PHLDB1: variants seen among roughly 807,000 people sequenced by gnomAD.
PHLDB1 encodes pleckstrin homology like domain family B member 1.
PHLDB1 carries 65 observed loss-of-function variants against 139.3 expected under a neutral mutation model. The observed-to-expected ratio is 0.47, with a 90% CI of 0.38 to 0.57. The LOEUF (loss-of-function observed/expected upper bound fraction) is 0.57, where lower values mean the gene tolerates loss of function less well. PHLDB1 is among the 20% of genes least tolerant of loss of function. The pLI is 0.00. For synonymous variants in PHLDB1, 679 were observed against 734.5 expected (o/e 0.92, Z 1.22); for missense variants, 1,624 against 1,839.7 (o/e 0.88, Z 2.14).
At chr11:118,651,291 AC>A (rs1303729850) in intron 20 of PHLDB1, 1 of 152,224 alleles carries the variant, frequency 6.6e-6, no homozygotes, top group African/African-American at 2.4e-5. Flanking sequence ...AGAGATTGAG[AC>A]CAGCCTGGGC....
chr11:118,620,604 G>A lies in PHLDB1; in HGVS notation c.356-4330G>A, dbSNP rs1432836162. On this transcript the variant is annotated intron_variant, in intron 4 of 22. Coordinates refer to ENST00000600882, the MANE Select transcript of PHLDB1 (RefSeq NM_001144758.3). The surrounding 1 kb of genome is among the most constrained non-coding windows in gnomAD (Gnocchi z 4.1). ...GTAGGATGGGTACCTTATTGGGGTC[G>A]GAGGGCTCTTTGCTGGGTCTAGCAC... 5.9e-5 allele frequency among the ~76,000 whole-genome samples: 9 copies of A among 152,224 alleles called. No individual in the cohort carries two copies. Among genetic ancestry groups the A allele is most frequent in the East Asian group, 1.9e-4 (1 of 5,202 alleles).
Position 118,650,838 on chromosome 11 carries a change from A to G in PHLDB1, c.3874+291A>G. ...TGGCCACAGCGCTCTCATGGAGCTTATAATCAGGGAAGCAGACAAGAGTGA... is the reference window on the plus strand; with the variant it reads ...TGGCCACAGCGCTCTCATGGAGCTTGTAATCAGGGAAGCAGACAAGAGTGA... On this transcript the variant is annotated intron_variant, in intron 20 of 22. Transcript: ENST00000600882. This position sits in a 1 kb window ranked among gnomAD's most constrained non-coding sequence, Gnocchi z 4.7. 2.2e-6 allele frequency: 1 copy of G among 449,986 alleles called. No individual in the cohort carries two copies. Among genetic ancestry groups the G allele is most frequent in the South Asian group, 2.6e-5 (1 of 38,446 alleles). The allele number at this position is 449,986 out of a possible 1,614,324, so 27.9% of individuals were successfully genotyped here. A position where few individuals can be genotyped will look rare whatever the true frequency, so the allele number is the denominator to read the frequency against.
chr11:118,654,407 G>T (rs1219177323), intron 20 of PHLDB1: 2 of 151,916 alleles, frequency 1.3e-5, no homozygotes, highest in Non-Finnish European at 2.9e-5. Context: ...TAAAAAATAG[G>T]TAAAAGTATT....
chr11:118,623,910 G>C (rs979267506), intron 4 of PHLDB1, among the ~76,000 whole-genome samples: 18 of 151,574 alleles, frequency 1.2e-4, no homozygotes, highest in Admixed American at 1.1e-3. Context: ...GTGTGTGTGT[G>C]TGTGTGTGAG....
chr11:118,650,007 C>A lies in PHLDB1; in HGVS notation c.3655-70C>A. ...AGGCTGTTGGGGTTTAGAAGTGAAG[C>A]CAAGGGGCCTGGACAGGGGAATAAT... On this transcript the variant is annotated intron_variant, in intron 18 of 22. Transcript: ENST00000600882. The surrounding 1 kb of genome is among the most constrained non-coding windows in gnomAD (Gnocchi z 4.7). 4 of 1,157,606 alleles carry A rather than the reference C, an allele frequency of 3.5e-6. No homozygotes were observed. Among genetic ancestry groups the A allele is most frequent in the South Asian group, 1.2e-5 (1 of 81,074 alleles). The allele number at this position is 1,157,606 out of a possible 1,614,324, so 71.7% of individuals were successfully genotyped here.
intron 15 of PHLDB1, chr11:118,644,500 T>G: frequency 2.3e-6 from 1 of 442,238 alleles, no homozygotes; most frequent in Non-Finnish European, 4.1e-6. Flanking sequence ...CTAGAAATGG[T>G]TGCCTGAGAT....
chr11:118,614,442 G>C (rs1941170091), intron 2 of PHLDB1, 117 bp from the exon 3 acceptor site: 2 of 1,107,682 alleles, frequency 1.8e-6, no homozygotes, highest in Admixed American at 4.8e-5. Flanking sequence ...AAGCCTTTCA[G>C]CACCCTCAGA....
Position 118,639,016 on chromosome 11 carries a change from G to A in PHLDB1, c.2646+15G>A, listed in dbSNP as rs1224246051. On this transcript the variant is annotated intron_variant, in intron 11 of 22. Coordinates refer to ENST00000600882, the MANE Select transcript of PHLDB1 (RefSeq NM_001144758.3). ...TGCTGCAAAAGGTAGGGTCCCTGAG[G>A]TTGGGCCGGGAGATTTGGAGTAGGG... The A allele has an allele frequency of 2.5e-6, 4 of 1,606,542 alleles. No individual in the cohort carries two copies. The highest frequency in any genetic ancestry group is 3.3e-5 in the Admixed American group (2 of 59,812).
At chr11:118,646,524 A>C (rs1016207293) in intron 17 of PHLDB1, 7 of 152,312 alleles carry the variant, frequency 4.6e-5, no homozygotes, top group Non-Finnish European at 7.3e-5. Context: ...AGGAACTATG[A>C]GTGAAGTATA....
Position 118,645,415 on chromosome 11 carries a change from G to A in PHLDB1, c.3181G>A (p.Ala1061Thr). 6.5e-7 allele frequency: 1 copy of A among 1,542,234 alleles called. No homozygotes were observed. The highest frequency in any genetic ancestry group is 8.7e-7 in the Non-Finnish European group (1 of 1,147,080). Residue 1061 changes from alanine to threonine, a missense_variant, in exon 16 of 23, where the codon GCT becomes ACT. Coordinates refer to ENST00000600882, the MANE Select transcript of PHLDB1 (RefSeq NM_001144758.3). The surrounding 1 kb of genome is among the most constrained non-coding windows in gnomAD (Gnocchi z 5.1). The part of the protein sequence containing the change: ...RLAELKQKAA[A>T]EAQCQWDALH... ...GGCTGAGCTGAAGCAGAAAGCGGCA[G>A]CTGAGGCACAGTGCCAGTGGGATGC...
At chr11:118,613,089 A>G (rs1555085422) in intron 1 of PHLDB1, 2 of 153,776 alleles carry the variant, frequency 1.3e-5, no homozygotes, top group Non-Finnish European at 2.9e-5. Context: ...AGCTTCCTAT[A>G]GCACCTAGCC....
intron 22 of PHLDB1, among the ~76,000 whole-genome samples, chr11:118,656,184 A>G (rs1474853433): frequency 6.6e-6 from 1 of 152,090 alleles, no homozygotes; most frequent in Admixed American, 6.5e-5. Flanking sequence ...AGAAATTGAT[A>G]AACAGGAGAT....
chr11:118,654,431 A>C (rs1948742745), intron 20 of PHLDB1: 1 of 152,152 alleles, frequency 6.6e-6, no homozygotes. Flanking sequence ...ATAGTTCAAA[A>C]ATAAAAAATA....
Position 118,643,834 on chromosome 11 carries a change from G to A in PHLDB1, c.2912G>A (p.Ser971Asn), listed in dbSNP as rs782287468. The A allele has an allele frequency of 1.2e-6, 2 of 1,614,062 alleles. No individual in the cohort carries two copies. The highest frequency in any genetic ancestry group is 2.2e-5 in the South Asian group (2 of 91,086). ...TCCAAGATGGATGGCGAGGCCACCAGCCCCCTTCCCCGGACCCGCAGCGGC... is the reference window on the plus strand; with the variant it reads ...TCCAAGATGGATGGCGAGGCCACCAACCCCCTTCCCCGGACCCGCAGCGGC... Reference protein sequence around the residue: ...YRSKMDGEATSPLPRTRSGPL... With the variant: ...YRSKMDGEATNPLPRTRSGPL... Residue 971 changes from serine (S) to asparagine (N), a missense_variant, in exon 14 of 23, where the codon AGC becomes AAC. Physicochemically the swap from Ser to Asn is conservative, Grantham distance 46. Transcript: ENST00000600882.
At chr11:118,607,734 C>A (rs1182603735) in intron 1 of PHLDB1, 35 bp downstream of exon 1, 1 of 149,132 alleles carries the variant, frequency 6.7e-6, no homozygotes, top group East Asian at 2.1e-4. Context: ...CTTGCGGGTC[C>A]CATTCGCTGC....
chr11:118,622,015 CTATGAGTGTG>C (rs1475119695), intron 4 of PHLDB1, among the ~76,000 whole-genome samples: 2 of 152,216 alleles, frequency 1.3e-5, no homozygotes, highest in Non-Finnish European at 2.9e-5. Flanking sequence ...TGTTGTGTTA[CTATGAGTGTG>C]TATGAGTGTG....
intron 17 of PHLDB1, chr11:118,647,246 T>C (rs941160617): frequency 1.1e-4 from 16 of 152,244 alleles, no homozygotes; most frequent in African/African-American, 3.9e-4. Context: ...GTTGTCTAGA[T>C]AACCCATGTT....
At chr11:118,616,707 A>G (rs1339727375) in intron 4 of PHLDB1, among the ~76,000 whole-genome samples, 1 of 152,190 alleles carries the variant, frequency 6.6e-6, no homozygotes, top group African/African-American at 2.4e-5. Flanking sequence ...TCACGAATAT[A>G]ACCCAAAGCA....
chr11:118,644,699 G>A (rs1206120240), intron 15 of PHLDB1: 56 of 1,289,032 alleles, frequency 4.3e-5, no homozygotes, highest in Non-Finnish European at 5.2e-5. Flanking sequence ...CAGGTAGAAC[G>A]TTGGTCATAG....
Sources: gnomAD v4.1 joint callset for allele counts (sites outside exome capture counted in the v4.1 genomes callset) on GRCh38, gnomAD v4.1.1 for gene constraint, Gnocchi (gnomAD v3.1) non-coding constraint, MANE v1.5 for transcripts, NCBI Gene and HGNC (gene_info 2026-07-23, HGNC 2026-07-21) for gene names.